The following COL22A1 variants were observed in gnomAD, a reference collection of about 807,000 sequenced individuals.
The protein encoded by COL22A1 is collagen alpha-1(XXII) chain.
Under a neutral mutation model 248.9 loss-of-function variants are expected in COL22A1, and 221 were observed. That is an observed-to-expected ratio of 0.89 (90% confidence interval 0.80 to 0.99). The LOEUF (loss-of-function observed/expected upper bound fraction) is 0.99. Ranked by LOEUF, COL22A1 falls within the 50% of genes least tolerant of loss-of-function variation. The pLI is 0.00. For missense variants in COL22A1, 2,240 were observed against 2,179.0 expected (o/e 1.03, Z -0.56); for synonymous variants, 891 against 793.4 (o/e 1.12, Z -2.07).
At chr8:138,796,942 G>C (rs1216011520) in intron 11 of COL22A1, 85 bp from the exon 12 acceptor site, 12 of 902,822 alleles carry the variant, frequency 1.3e-5, no homozygotes, top group Non-Finnish European at 2.1e-5. Context: ...CCCGAGATTT[G>C]AAAGGATTAG....
chr8:138,757,593 G>A (rs763193518), intron 18 of COL22A1, among the ~76,000 whole-genome samples: 44 of 152,180 alleles, frequency 2.9e-4, no homozygotes, highest in Non-Finnish European at 3.5e-4. Context: ...TAAGACCCTC[G>A]TATCCATCCC....
intron 23 of COL22A1, among the ~76,000 whole-genome samples, chr8:138,733,417 G>A (rs1830857390): frequency 6.6e-6 from 1 of 152,222 alleles, no homozygotes; most frequent in Non-Finnish European, 1.5e-5. Context: ...GGCAGTGCTG[G>A]CTCTTCCCAT....
intron 2 of COL22A1, among the ~76,000 whole-genome samples, chr8:138,882,046 T>C (rs1429887065): frequency 6.6e-6 from 1 of 152,114 alleles, no homozygotes; most frequent in East Asian, 1.9e-4. Context: ...ATGCCTTTGC[T>C]AAGTGGGCTC....
chr8:138,834,480 A>G (rs1168752996), intron 4 of COL22A1, among the ~76,000 whole-genome samples: 3 of 152,218 alleles, frequency 2.0e-5, no homozygotes, highest in Admixed American at 1.3e-4. Flanking sequence ...GGCCACGCCA[A>G]GCATTGTGTA....
At chr8:138,754,687 A>C (rs1428517536) in intron 21 of COL22A1, among the ~76,000 whole-genome samples, 2 of 152,156 alleles carry the variant, frequency 1.3e-5, no homozygotes, top group Non-Finnish European at 2.9e-5. Flanking sequence ...TTTACATATC[A>C]TTAAATTCTT....
At chr8:138,646,809 A>T (rs1030603920) in intron 46 of COL22A1, 127 bp from the exon 47 acceptor site, 10 of 659,396 alleles carry the variant, frequency 1.5e-5, no homozygotes, top group Non-Finnish European at 2.5e-5. Flanking sequence ...TCCGTCAGCT[A>T]CCCCTGCCCC....
intron 18 of COL22A1, among the ~76,000 whole-genome samples, chr8:138,759,441 C>A (rs1833270452): frequency 6.6e-6 from 1 of 152,206 alleles, no homozygotes. Flanking sequence ...TATTCTCCAA[C>A]CCAATGTCTG....
At chr8:138,899,589 T>G (rs920313416) in intron 1 of COL22A1, among the ~76,000 whole-genome samples, 1 of 152,110 alleles carries the variant, frequency 6.6e-6, no homozygotes, top group Non-Finnish European at 1.5e-5. Flanking sequence ...AGTGGGACAA[T>G]CTTGGCTCAC....
chr8:138,596,332 A>G (rs144076861), intron 62 of COL22A1, among the ~76,000 whole-genome samples: 249 of 152,212 alleles, frequency 1.6e-3, no homozygotes, highest in African/African-American at 5.4e-3. Flanking sequence ...GCCTTCATAC[A>G]TGTTGCTCCA....
chr8:138,643,028 T>TAAA (rs113537470), intron 47 of COL22A1, among the ~76,000 whole-genome samples: 1 of 130,596 alleles, frequency 7.7e-6, no homozygotes, highest in African/African-American at 2.8e-5. Flanking sequence ...GACTCTATCT[T>TAAA]AAAAAAAAAA....
chr8:138,687,286 C>T (rs1422123711), intron 37 of COL22A1, among the ~76,000 whole-genome samples: 2 of 152,232 alleles, frequency 1.3e-5, no homozygotes, highest in Non-Finnish European at 2.9e-5. Flanking sequence ...CTATGATCAA[C>T]ACTCCAAAAA....
At chr8:138,845,423 C>T (rs972163402) in intron 3 of COL22A1, among the ~76,000 whole-genome samples, 4 of 151,810 alleles carry the variant, frequency 2.6e-5, no homozygotes, top group Admixed American at 2.0e-4. Context: ...GCAGGAGAAT[C>T]GCTTGAACCT....
At chr8:138,745,318 C>T (rs1282044613) in intron 22 of COL22A1, among the ~76,000 whole-genome samples, 1 of 151,984 alleles carries the variant, frequency 6.6e-6, no homozygotes, top group Non-Finnish European at 1.5e-5. Flanking sequence ...AATGAGCCAT[C>T]CCCTGTGGAA....
rs369018854 is a variant in COL22A1, at chr8:138,811,530, CCT to C, written c.1449+267_1449+268del. Among the ~76,000 whole-genome samples the C allele has an allele frequency of 1.6e-3, 251 of 152,236 alleles. 1 individual carries two copies. Among genetic ancestry groups the C allele is most frequent in the African/African-American group, 5.6e-3 (233 of 41,524 alleles). The stretch of plus-strand genomic sequence containing the variant: ...CAGCATCTCATTTGACTCAGTCACC[CCT>C]GAGTGGAGATCACAAAGGAGTAACC... On this transcript the variant is annotated intron_variant, in intron 9 of 64. Transcript: ENST00000303045.
At chr8:138,867,234 G>A (rs1822967842) in intron 3 of COL22A1, among the ~76,000 whole-genome samples, 1 of 152,130 alleles carries the variant, frequency 6.6e-6, no homozygotes, top group South Asian at 2.1e-4. Context: ...TCTGGCCTTT[G>A]GGCTGTAGTT....
At chr8:138,789,296 A>G (rs1362534266) in intron 12 of COL22A1, among the ~76,000 whole-genome samples, 1 of 152,218 alleles carries the variant, frequency 6.6e-6, no homozygotes, top group East Asian at 1.9e-4. Flanking sequence ...CTACAAGGCT[A>G]TTTGAGGGCA....
chr8:138,755,919 A>G (rs1439176259), intron 18 of COL22A1, 90 bp from the exon 19 acceptor site: 8 of 1,058,444 alleles, frequency 7.6e-6, no homozygotes, highest in Admixed American at 1.7e-5. Context: ...TTGTGGGCCC[A>G]GGGGACCACA....
At chr8:138,900,269 T>C (rs938060751) in intron 1 of COL22A1, among the ~76,000 whole-genome samples, 1 of 152,214 alleles carries the variant, frequency 6.6e-6, no homozygotes, top group East Asian at 1.9e-4. Context: ...GGTGGGGAGA[T>C]AAAAAAGAGC....
At chr8:138,774,852 A>G (rs1004703066) in intron 16 of COL22A1, among the ~76,000 whole-genome samples, 1 of 152,218 alleles carries the variant, frequency 6.6e-6, no homozygotes, top group African/African-American at 2.4e-5. Context: ...AAAACTCTAC[A>G]GCAGCACGGA....
Sources: gnomAD v4.1 joint callset for allele counts (sites outside exome capture counted in the v4.1 genomes callset) on GRCh38, gnomAD v4.1.1 for gene constraint, MANE v1.5 for transcripts, NCBI Gene and HGNC (gene_info 2026-07-23, HGNC 2026-07-21) for gene names.